Variants in CCDC7 observed in about 807,000 individuals in gnomAD.
The protein encoded by CCDC7 is coiled-coil domain-containing protein 7.
In CCDC7, 183 loss-of-function variants were observed where a neutral mutation model predicts 196.9. The ratio of observed to expected loss-of-function variants is 0.93; its 90% CI spans 0.82 to 1.05. The LOEUF (loss-of-function observed/expected upper bound fraction) is 1.05. CCDC7 is among the 50% of genes least tolerant of loss of function. The pLI is 0.00. For missense variants in CCDC7, 1,540 were observed against 1,482.2 expected (o/e 1.04, Z -0.64); for synonymous variants, 525 against 484.6 (o/e 1.08, Z -1.10).
At chr10:32,872,281 ATTGATCCC>A (rs2094457157) in intron 41 of CCDC7, among the ~76,000 whole-genome samples, 1 of 150,944 alleles carries the variant, frequency 6.6e-6, no homozygotes, top group South Asian at 2.1e-4. Context: ...TTCCTGTTGA[ATTGATCCC>A]TTTACCATTA....
intron 13 of CCDC7, 141 bp from the exon 15 acceptor site, chr10:32,565,417 C>G (rs1023469944): frequency 9.7e-6 from 7 of 722,974 alleles, no homozygotes; most frequent in African/African-American, 7.1e-5. Flanking sequence ...TCCACCATTA[C>G]ACTTGAGAGA....
At chr10:32,469,355 A>T (rs1344440624) in intron 5 of CCDC7, among the ~76,000 whole-genome samples, 1 of 152,242 alleles carries the variant, frequency 6.6e-6, no homozygotes, top group African/African-American at 2.4e-5. Context: ...TGGAATCAGA[A>T]TATGAATATC....
At chr10:32,775,419 G>T (rs1317864305) in intron 28 of CCDC7, among the ~76,000 whole-genome samples, 1 of 152,132 alleles carries the variant, frequency 6.6e-6, no homozygotes, top group Admixed American at 6.6e-5. Flanking sequence ...GACTTTGCAA[G>T]ATTACTGTAT....
intron 18 of CCDC7, 109 bp from the exon 20 acceptor site, chr10:32,634,145 T>G: frequency 1.2e-4 from 51 of 424,102 alleles, no homozygotes; most frequent in Middle Eastern, 6.3e-4. Context: ...CATGACTTTA[T>G]GAGAATGAGA....
chr10:32,516,830 A>G (rs1288933018), intron 9 of CCDC7, among the ~76,000 whole-genome samples: 3 of 152,236 alleles, frequency 2.0e-5, no homozygotes, highest in African/African-American at 7.2e-5. Flanking sequence ...CATGAGATAA[A>G]TGAAAACACA....
In CCDC7 at chr10:32,451,922, G is replaced by A; in HGVS notation, c.279+1G>A. The A allele has an allele frequency of 1.9e-6, 3 of 1,608,456 alleles. No homozygotes were observed. The highest frequency in any genetic ancestry group is 2.5e-6 in the Non-Finnish European group (3 of 1,177,218). ...AAAAATTATCAAACATCTGAAGATG[G>A]TAAGAGGCTTGTTAGTTTCTGTGTT... On this transcript the variant is annotated splice_donor_variant, in intron 1 of 41. Transcript: ENST00000639629. LOFTEE classifies it high-confidence loss of function.
intron 2 of CCDC7, among the ~76,000 whole-genome samples, chr10:32,454,907 G>A (rs1404545043): frequency 6.6e-6 from 1 of 152,144 alleles, no homozygotes; most frequent in Non-Finnish European, 1.5e-5. Flanking sequence ...CATTGGTCTT[G>A]CTGCCTTTTT....
At chr10:32,516,059 A>G (rs1470889377) in intron 9 of CCDC7, among the ~76,000 whole-genome samples, 3 of 152,122 alleles carry the variant, frequency 2.0e-5, no homozygotes, top group African/African-American at 4.8e-5. Context: ...AAATGATACT[A>G]TCAAAAACAT....
chr10:32,713,271 C>G (rs2081101073), intron 25 of CCDC7, among the ~76,000 whole-genome samples: 2 of 152,218 alleles, frequency 1.3e-5, no homozygotes, highest in African/African-American at 4.8e-5. Context: ...TTGTTTCCTC[C>G]TCGTCCTCAT....
chr10:32,857,254 C>T (rs2093788899), intron 41 of CCDC7, among the ~76,000 whole-genome samples: 1 of 152,120 alleles, frequency 6.6e-6, no homozygotes, highest in Admixed American at 6.6e-5. Flanking sequence ...ACTATAAAAA[C>T]AAAAATTAGC....
At chr10:32,566,023 T>TTTTAGTTAAATAAA (rs1207024324) in intron 14 of CCDC7, among the ~76,000 whole-genome samples, 19 of 152,288 alleles carry the variant, frequency 1.2e-4, no homozygotes, top group South Asian at 4.1e-4. Context: ...CTTTTTAAAA[T>TTTTAGTTAAATAAA]TTTAGTTAAA....
rs116965094 is a variant in CCDC7 at position 32,852,748 on chromosome 10, T to C, written c.4021+816T>C. On this transcript the variant is annotated intron_variant, in intron 40 of 41. Transcript: ENST00000639629. ...AAAGTTGACTATTACTTTTACTTATTTTTTTACTACATGCAATATAAAAGG... is the reference window on the plus strand; with the variant it reads ...AAAGTTGACTATTACTTTTACTTATCTTTTTACTACATGCAATATAAAAGG... Among the ~76,000 whole-genome samples, 1,203 of 152,304 alleles carry C rather than the reference T, an allele frequency of 7.9e-3. 6 individuals carry two copies. The highest frequency in any genetic ancestry group is 0.02 in the Middle Eastern group (6 of 294).
intron 28 of CCDC7, among the ~76,000 whole-genome samples, chr10:32,739,655 T>G (rs889719120): frequency 8.2e-6 from 1 of 122,556 alleles, no homozygotes; most frequent in African/African-American, 3.6e-5. Flanking sequence ...TCAGACTATG[T>G]TTTTTTTTTT....
intron 41 of CCDC7, among the ~76,000 whole-genome samples, chr10:32,862,738 A>G (rs2094051760): frequency 6.6e-6 from 1 of 152,054 alleles, no homozygotes; most frequent in African/African-American, 2.4e-5. Context: ...TCAGAAAGAA[A>G]AATACTCTGT....
intron 18 of CCDC7, among the ~76,000 whole-genome samples, chr10:32,587,650 A>T (rs549317549): frequency 3.9e-4 from 59 of 152,254 alleles, no homozygotes; most frequent in Middle Eastern, 6.8e-3. Flanking sequence ...GTTAACTCTA[A>T]TGTTTTTGTG....
At chr10:32,781,450 T>A (rs549473841) in intron 29 of CCDC7, among the ~76,000 whole-genome samples, 1 of 152,280 alleles carries the variant, frequency 6.6e-6, no homozygotes, top group African/African-American at 2.4e-5. Flanking sequence ...AAATTATACA[T>A]CATGAATTTA....
chr10:32,784,359 C>T (rs2081489102), intron 29 of CCDC7, among the ~76,000 whole-genome samples: 1 of 152,054 alleles, frequency 6.6e-6, no homozygotes. Flanking sequence ...AGCTCTTTTT[C>T]CTAATGCTGT....
At chr10:32,713,676 C>G (rs2081178144) in intron 25 of CCDC7, among the ~76,000 whole-genome samples, 1 of 152,332 alleles carries the variant, frequency 6.6e-6, no homozygotes, top group East Asian at 1.9e-4. Flanking sequence ...TATTGGGGGG[C>G]CCATCAATCC....
intron 16 of CCDC7, among the ~76,000 whole-genome samples, chr10:32,577,149 G>T (rs1352996572): frequency 6.6e-6 from 1 of 152,004 alleles, no homozygotes; most frequent in Non-Finnish European, 1.5e-5. Flanking sequence ...AGATCACGAG[G>T]TCAAGAGTTC....
Sources: gnomAD v4.1 joint callset for allele counts (sites outside exome capture counted in the v4.1 genomes callset) on GRCh38, gnomAD v4.1.1 for gene constraint, MANE v1.5 for transcripts, NCBI Gene and HGNC (gene_info 2026-07-23, HGNC 2026-07-21) for gene names.